The following MBOAT1 variants were observed in gnomAD, a reference collection of about 807,000 sequenced individuals.
MBOAT1 encodes the protein membrane-bound glycerophospholipid O-acyltransferase 1.
In MBOAT1, 67 loss-of-function variants were observed where a neutral mutation model predicts 64.4. That is an observed-to-expected ratio of 1.04 (90% CI 0.85 to 1.27). The LOEUF is 1.27. Ranked by LOEUF, MBOAT1 falls within the 50% of genes most tolerant of loss-of-function variation. The pLI, the probability that MBOAT1 is intolerant of heterozygous loss-of-function variation, is 0.00. For synonymous variants in MBOAT1, 229 were observed against 218.9 expected (o/e 1.05, Z -0.41); for missense variants, 563 against 604.6 (o/e 0.93, Z 0.72).
At chr6:20,198,377 T>TACTTCTTTGC (rs1763022014) in intron 1 of MBOAT1, among the ~76,000 whole-genome samples, 3 of 152,190 alleles carry the variant, frequency 2.0e-5, no homozygotes, top group Non-Finnish European at 4.4e-5. Flanking sequence ...TCCGTTGAGG[T>TACTTCTTTGC]AAAGAAGGTT....
chr6:20,137,684 C>G (rs763357974), intron 4 of MBOAT1, among the ~76,000 whole-genome samples: 1 of 151,010 alleles, frequency 6.6e-6, no homozygotes, highest in Non-Finnish European at 1.5e-5. Context: ...CCAGAATAAT[C>G]TAAAATACAA....
intron 3 of MBOAT1, 39 bp downstream of exon 3, chr6:20,151,146 G>C (rs763777634): frequency 6.8e-7 from 1 of 1,462,670 alleles, no homozygotes; most frequent in South Asian, 1.2e-5. Flanking sequence ...ACAAAAAAAA[G>C]AAAATCTCAC....
chr6:20,165,605 T>C (rs960570501), intron 1 of MBOAT1, among the ~76,000 whole-genome samples: 1 of 152,022 alleles, frequency 6.6e-6, no homozygotes, highest in African/African-American at 2.4e-5. Context: ...TAGCCAGGCA[T>C]GGTGGCACAC....
intron 4 of MBOAT1, among the ~76,000 whole-genome samples, chr6:20,143,098 A>T (rs1332671268): frequency 6.6e-6 from 1 of 152,106 alleles, no homozygotes; most frequent in Non-Finnish European, 1.5e-5. Flanking sequence ...GTACAGTCCA[A>T]CCTGACTGGG....
chr6:20,190,409 G>A (rs949095201), intron 1 of MBOAT1, among the ~76,000 whole-genome samples: 9 of 152,234 alleles, frequency 5.9e-5, no homozygotes, highest in African/African-American at 1.9e-4. Context: ...AGAGAGTCAC[G>A]GCCAACATAA....
chr6:20,151,470 A>G (rs952485735), intron 2 of MBOAT1, among the ~76,000 whole-genome samples: 2 of 152,272 alleles, frequency 1.3e-5, no homozygotes, highest in African/African-American at 4.8e-5. Flanking sequence ...CAGTTTGCCA[A>G]CTGCAGGGCT....
chr6:20,133,831 G>A (rs764239832), intron 4 of MBOAT1, among the ~76,000 whole-genome samples: 42 of 152,160 alleles, frequency 2.8e-4, no homozygotes, highest in African/African-American at 8.2e-4. Context: ...TGCTGTGGCC[G>A]TAGAATGTAC....
At chr6:20,111,873 T>TATATATAC (rs1760176144) in intron 11 of MBOAT1, among the ~76,000 whole-genome samples, 1 of 139,200 alleles carries the variant, frequency 7.2e-6, no homozygotes, top group Non-Finnish European at 1.5e-5. Context: ...TATATACATA[T>TATATATAC]ATATATGTAT....
intron 1 of MBOAT1, among the ~76,000 whole-genome samples, 177 bp from the exon 2 acceptor site, chr6:20,152,946 C>T (rs1761569103): frequency 6.6e-6 from 1 of 152,188 alleles, no homozygotes; most frequent in Non-Finnish European, 1.5e-5. Context: ...CATTCTCCTG[C>T]CTCAGCCTCC....
At chr6:20,130,416 C>G (rs892016841) in intron 5 of MBOAT1, among the ~76,000 whole-genome samples, 1 of 152,060 alleles carries the variant, frequency 6.6e-6, no homozygotes, top group Non-Finnish European at 1.5e-5. Context: ...TGCAGTGGCG[C>G]GATCTCGGCT....
chr6:20,138,344 T>G (rs1194124868), intron 4 of MBOAT1, among the ~76,000 whole-genome samples: 1 of 152,204 alleles, frequency 6.6e-6, no homozygotes, highest in East Asian at 1.9e-4. Flanking sequence ...AGTTTAAATA[T>G]TCTGTAGTTT....
At chr6:20,119,055 C>G (rs116821334) in intron 8 of MBOAT1, among the ~76,000 whole-genome samples, 11 of 152,248 alleles carry the variant, frequency 7.2e-5, no homozygotes, top group Non-Finnish European at 1.3e-4. Flanking sequence ...GTGATTGGAG[C>G]TCTTTGTGGA....
rs768807586 is a variant in MBOAT1, at chr6:20,144,317, T to G, written c.324-2A>C. ...CCCATTGCTACAAAAAAGGAATATC[T>G]GAAAGCAAAAACATAGATGATCAGA... On this transcript the variant is annotated splice_acceptor_variant, in intron 3 of 12. Transcript: ENST00000324607. LOFTEE classifies it high-confidence loss of function. The G allele has an allele frequency of 4.3e-5, 68 of 1,584,470 alleles. No homozygotes were observed. The highest frequency in any genetic ancestry group is 5.6e-5 in the South Asian group (5 of 89,680).
At chr6:20,107,793 GAA>G (rs753494826) in intron 12 of MBOAT1, among the ~76,000 whole-genome samples, 5 of 141,804 alleles carry the variant, frequency 3.5e-5, no homozygotes, top group Admixed American at 7.1e-5. Context: ...GGGCTTACAG[GAA>G]AAAAAAAAAA....
At chr6:20,176,822 T>C (rs150779967) in intron 1 of MBOAT1, among the ~76,000 whole-genome samples, 19 of 152,024 alleles carry the variant, frequency 1.2e-4, no homozygotes, top group African/African-American at 4.6e-4. Flanking sequence ...TGGGGTTTCA[T>C]CATGTTGGCC....
intron 12 of MBOAT1, among the ~76,000 whole-genome samples, chr6:20,104,454 C>G (rs939050258): frequency 6.6e-6 from 1 of 152,128 alleles, no homozygotes; most frequent in East Asian, 1.9e-4. Context: ...ACAAGTTTTG[C>G]TTTTGATGTT....
intron 1 of MBOAT1, among the ~76,000 whole-genome samples, chr6:20,195,111 C>T (rs1382923581): frequency 6.6e-6 from 1 of 152,042 alleles, no homozygotes; most frequent in Non-Finnish European, 1.5e-5. Context: ...TGCCACCATG[C>T]CCGGCTAATT....
intron 1 of MBOAT1, 126 bp from the exon 2 acceptor site, chr6:20,152,895 C>G: frequency 2.0e-6 from 2 of 1,013,838 alleles, no homozygotes; most frequent in South Asian, 3.6e-5. Context: ...TGCAGTGGCG[C>G]AAACTCGGCT....
intron 1 of MBOAT1, 66 bp from the exon 2 acceptor site, chr6:20,152,835 T>C (rs980574221): frequency 6.7e-7 from 1 of 1,503,018 alleles, no homozygotes; most frequent in Non-Finnish European, 9.0e-7. Context: ...TTGTTTGTTT[T>C]GTTTTGTTTT....
Sources: gnomAD v4.1 joint callset for allele counts (sites outside exome capture counted in the v4.1 genomes callset) on GRCh38, gnomAD v4.1.1 for gene constraint, MANE v1.5 for transcripts, NCBI Gene and HGNC (gene_info 2026-07-23, HGNC 2026-07-21) for gene names.